The following COL4A3 variants were observed in gnomAD, a reference collection of about 807,000 sequenced individuals.
COL4A3 encodes collagen type IV alpha 3 chain, also known as collagen alpha-3(IV) chain.
A neutral mutation model predicts 217.4 loss-of-function variants in COL4A3; 135 were observed. That is an observed-to-expected ratio of 0.62 (90% CI 0.54 to 0.72). The LOEUF is 0.72. Among genes scored for constraint, COL4A3 ranks in the 30% least tolerant of loss-of-function variants. The pLI, the probability that COL4A3 is intolerant of heterozygous loss-of-function variation, is 0.00. For missense variants in COL4A3, 1,868 were observed against 2,119.9 expected (o/e 0.88, Z 2.33); for synonymous variants, 690 against 736.3 (o/e 0.94, Z 1.02).
chr2:227,246,183 T>C, intron 6 of COL4A3, 167 bp downstream of exon 6: 2 of 673,668 alleles, frequency 3.0e-6, no homozygotes, highest in Non-Finnish European at 5.4e-6. Context: ...TTTCTTCGCA[T>C]TCCTTGCTTT....
intron 1 of COL4A3, among the ~76,000 whole-genome samples, chr2:227,219,682 T>C (rs538203307): frequency 6.6e-6 from 1 of 152,362 alleles, no homozygotes; most frequent in East Asian, 1.9e-4. Flanking sequence ...TAGTCTGTTT[T>C]TAGTGCTGTG....
intron 34 of COL4A3, among the ~76,000 whole-genome samples, chr2:227,284,634 CCT>C (rs1476218766): frequency 6.6e-6 from 1 of 152,064 alleles, no homozygotes; most frequent in African/African-American, 2.4e-5. Context: ...CTCAAAACTC[CCT>C]CTTTGCCAAG....
Position 227,251,360 on chromosome 2 carries a change from A to T in COL4A3, c.634A>T (p.Arg212Ter). The change falls in exon 11 of 52, where the codon AGA becomes TGA. Residue 212 changes from arginine to a stop codon, truncating the protein, a stop_gained. Transcript: ENST00000396578. LOFTEE classifies it high-confidence loss of function. ...FFGFPGAMGP[R>*]GPKGHMGERV... ...GGGCTTTCCAGGAGCCATGGGACCTAGAGGACCTAAGGTAGACTACAGTTC... is the reference window on the plus strand; with the variant it reads ...GGGCTTTCCAGGAGCCATGGGACCTTGAGGACCTAAGGTAGACTACAGTTC... 5.0e-6 allele frequency: 8 copies of T among 1,612,982 alleles called. No individual in the cohort carries two copies. The highest frequency in any genetic ancestry group is 6.8e-6 in the Non-Finnish European group (8 of 1,179,886).
chr2:227,298,637 C>T (rs780259166), intron 42 of COL4A3, 45 bp from the exon 43 acceptor site: 3 of 1,611,692 alleles, frequency 1.9e-6, no homozygotes, highest in Non-Finnish European at 2.5e-6. Context: ...TAGAACCTTC[C>T]AAGCTCCCTG....
intron 39 of COL4A3, among the ~76,000 whole-genome samples, 160 bp downstream of exon 39, chr2:227,294,730 A>G (rs984899984): frequency 1.3e-5 from 2 of 152,196 alleles, no homozygotes; most frequent in African/African-American, 4.8e-5. Flanking sequence ...ATTTCTATCT[A>G]TTTAATTCAA....
In COL4A3 at chr2:227,303,028, T is replaced by G. The variant is rs746537501; in HGVS notation, c.3883-10T>G. 1 of 1,607,970 alleles carries G rather than the reference T, an allele frequency of 6.2e-7. No individual in the cohort carries two copies. The highest frequency in any genetic ancestry group is 1.1e-5 in the South Asian group (1 of 90,944). On this transcript the variant is annotated splice_polypyrimidine_tract_variant and intron_variant, in intron 43 of 51. Transcript: ENST00000396578. ...TTGTTTTGGTTCTGCTCCCTTTATT[T>G]GAAATATAGGGAGCACCAGGTACTC...
Position 227,282,307 on chromosome 2 carries a change from A to C in COL4A3, c.2489-58A>C. The C allele has an allele frequency of 1.0e-6, 1 of 969,422 alleles. No individual in the cohort carries two copies. Among genetic ancestry groups the C allele is most frequent in the Non-Finnish European group, 1.6e-6 (1 of 634,410 alleles). 60.1% of individuals were successfully genotyped at this position (969,422 alleles called of 1,614,324 possible). A position where few individuals can be genotyped will look rare whatever the true frequency, so the allele number is the denominator to read the frequency against. On this transcript the variant is annotated intron_variant, in intron 31 of 51. Coordinates refer to ENST00000396578, the MANE Select transcript of COL4A3 (RefSeq NM_000091.5). This position sits in a 1 kb window ranked among gnomAD's most constrained non-coding sequence, Gnocchi z 4.4. Reference sequence around the variant, plus strand: ...ATATATATATATATATATATTTCTGAAGTTAGTAGGGGAAAGCATTTGTGG... The same window carrying C: ...ATATATATATATATATATATTTCTGCAGTTAGTAGGGGAAAGCATTTGTGG...
intron 1 of COL4A3, among the ~76,000 whole-genome samples, chr2:227,209,517 C>T (rs2067233916): frequency 6.6e-6 from 1 of 152,222 alleles, no homozygotes; most frequent in East Asian, 1.9e-4. Context: ...CTTCTGGGAA[C>T]TCCACCTCCT....
chr2:227,169,533 C>T (rs1246075765), intron 1 of COL4A3, among the ~76,000 whole-genome samples: 3 of 151,838 alleles, frequency 2.0e-5, no homozygotes, highest in Non-Finnish European at 1.5e-5. Flanking sequence ...CCTATTTCTC[C>T]ACATCCTCTC....
intron 14 of COL4A3, 133 bp downstream of exon 14, chr2:227,254,307 A>T: frequency 1.3e-6 from 1 of 771,758 alleles, no homozygotes; most frequent in Non-Finnish European, 2.2e-6. Flanking sequence ...GCTACTCCAC[A>T]GGCAGAGCAG....
Position 227,273,062 on chromosome 2 carries a change from T to G in COL4A3, c.1872T>G (p.Pro624=), listed in dbSNP as rs1458860627. ...GPPGYGPQGE[P]GLQGTQGVPG... ...CTGGCTACGGACCCCAAGGAGAACC[T>G]GGTCTCCAGGGCACGCAAGGAGTTC... is the stretch of plus-strand genomic sequence containing the variant. Residue 624 remains proline, a synonymous_variant, in exon 26 of 52, where the codon CCT becomes CCG. Coordinates refer to ENST00000396578, the MANE Select transcript of COL4A3 (RefSeq NM_000091.5). The G allele has an allele frequency of 6.2e-7, 1 of 1,614,084 alleles. No individual in the cohort carries two copies.
intron 21 of COL4A3, chr2:227,265,745 T>A (rs1239454517): frequency 2.6e-5 from 4 of 152,432 alleles, no homozygotes; most frequent in Non-Finnish European, 5.9e-5. Context: ...TGCCTCAAGA[T>A]GCTAAAGGGA....
intron 1 of COL4A3, among the ~76,000 whole-genome samples, chr2:227,189,476 G>T (rs537357171): frequency 6.6e-6 from 1 of 152,126 alleles, no homozygotes; most frequent in Non-Finnish European, 1.5e-5. Flanking sequence ...ACGTGATGTG[G>T]TGATGACTGA....
At chr2:227,309,436 C>T (rs181887026) in intron 50 of COL4A3, 118 bp downstream of exon 50, 2 of 770,542 alleles carry the variant, frequency 2.6e-6, no homozygotes, top group Admixed American at 4.1e-5. Flanking sequence ...GTGCAACATG[C>T]CATAGACATT....
At chr2:227,233,791 G>A (rs910557964) in intron 1 of COL4A3, among the ~76,000 whole-genome samples, 3 of 152,124 alleles carry the variant, frequency 2.0e-5, no homozygotes, top group African/African-American at 7.2e-5. Context: ...GGAACAGCAC[G>A]CTCACATCAG....
At chr2:227,165,290 C>A (rs2125614709) in intron 1 of COL4A3, among the ~76,000 whole-genome samples, 1 of 152,268 alleles carries the variant, frequency 6.6e-6, no homozygotes, top group South Asian at 2.1e-4. Context: ...ACCCTGACCT[C>A]TCTGGGGCTC....
rs139277073 is a variant in COL4A3 at position 227,244,176 on chromosome 2, C to T, written c.235-144C>T. On this transcript the variant is annotated intron_variant, in intron 3 of 51. Transcript: ENST00000396578. ...AATTATCAAGTTCCAATGAAATAAG[C>T]AAGCAATTGAATCTTATTAACAATG... is the stretch of plus-strand genomic sequence containing the variant. The T allele has an allele frequency of 2.1e-5, 15 of 709,616 alleles. No homozygotes were observed. The African/African-American group carries it at 2.7e-4, about 13-fold the overall frequency. The allele number at this position is 709,616 out of a possible 1,614,324, so 44.0% of individuals were successfully genotyped here.
intron 31 of COL4A3, 56 bp downstream of exon 31, chr2:227,281,062 G>A: frequency 9.3e-7 from 1 of 1,078,112 alleles, no homozygotes. Context: ...TGAGACTCCT[G>A]CTCTGTGCTT....
At chr2:227,217,476 CCTGA>C (rs2067569816) in intron 1 of COL4A3, among the ~76,000 whole-genome samples, 2 of 152,196 alleles carry the variant, frequency 1.3e-5, no homozygotes, top group Non-Finnish European at 2.9e-5. Flanking sequence ...ACAATGTTAA[CCTGA>C]CTGTAGTCCT....
Sources: gnomAD v4.1 joint callset for allele counts (sites outside exome capture counted in the v4.1 genomes callset) on GRCh38, gnomAD v4.1.1 for gene constraint, Gnocchi (gnomAD v3.1) non-coding constraint, MANE v1.5 for transcripts, NCBI Gene and HGNC (gene_info 2026-07-23, HGNC 2026-07-21) for gene names.